Variants in CC2D1B observed in about 807,000 individuals in gnomAD.
CC2D1B encodes the protein coiled-coil and C2 domain containing 1B, also known as coiled-coil and C2 domain-containing protein 1B.
In CC2D1B, 92 loss-of-function variants were observed where a neutral mutation model predicts 110.8. The observed-to-expected ratio is 0.83, with a 90% CI of 0.70 to 0.99. The LOEUF (loss-of-function observed/expected upper bound fraction) is 0.99. CC2D1B is among the 50% of genes least tolerant of loss of function. CC2D1B has a pLI of 0.00. For missense variants in CC2D1B, 1,136 were observed against 1,089.0 expected (o/e 1.04, Z -0.61); for synonymous variants, 406 against 429.2 (o/e 0.95, Z 0.67).
intron 18 of CC2D1B, 42 bp from the exon 19 acceptor site, chr1:52,355,886 A>G (rs772970705): frequency 2.5e-6 from 4 of 1,599,160 alleles, no homozygotes; most frequent in African/African-American, 2.7e-5. Flanking sequence ...AAAGTGAAGG[A>G]CAGTAGTGGA....
intron 23 of CC2D1B, among the ~76,000 whole-genome samples, chr1:52,354,165 G>A (rs1370685899): frequency 6.6e-6 from 1 of 152,194 alleles, no homozygotes; most frequent in Non-Finnish European, 1.5e-5. Flanking sequence ...ATAGAGACCA[G>A]GGCCCGCATA....
chr1:52,363,143 C>T (rs1426814209), intron 2 of CC2D1B, among the ~76,000 whole-genome samples: 4 of 152,004 alleles, frequency 2.6e-5, no homozygotes, highest in Non-Finnish European at 5.9e-5. Flanking sequence ...GCCTGTAATC[C>T]CAGCACTTTG....
In CC2D1B at chr1:52,355,774, G is replaced by A. The variant is rs745548813; in HGVS notation, c.2125C>T (p.Pro709Ser). 6.2e-6 allele frequency: 10 copies of A among 1,614,010 alleles called. No individual in the cohort carries two copies. Among genetic ancestry groups the A allele is most frequent in the South Asian group, 1.1e-5 (1 of 91,084 alleles). ...GTAGGGGCGGCCCTAGGGTTACCTG[G>A]AGGGGCTGGGAGGTTCATTCCCCGG... is the stretch of plus-strand genomic sequence containing the variant. ...IVRGMNLPAP[P>S]GVTPDDLDAF... Residue 709 changes from proline to serine, a missense_variant, in exon 19 of 25, where the codon CCA (proline) becomes TCA (serine). Coordinates refer to ENST00000284376, the MANE Select transcript of CC2D1B (RefSeq NM_001330585.2).
At chr1:52,362,809 C>G in intron 2 of CC2D1B, 63 bp from the exon 3 acceptor site, 1 of 1,570,160 alleles carries the variant, frequency 6.4e-7, no homozygotes, top group Non-Finnish European at 8.7e-7. Context: ...AGCTCCAGAG[C>G]CAGACTTGGG....
At chr1:52,353,850 TAATA>T (rs1179401280) in intron 23 of CC2D1B, 10 of 512,222 alleles carry the variant, frequency 2.0e-5, no homozygotes, top group South Asian at 1.1e-4. Context: ...ATTAAAAAAG[TAATA>T]AATAAATCCA....
At position 52,354,942 on chromosome 1, in the gene CC2D1B, G is replaced by C; in HGVS notation, c.2240-3C>G. 1 of 1,612,458 alleles carries C rather than the reference G, an allele frequency of 6.2e-7. No homozygotes were observed. Among genetic ancestry groups the C allele is most frequent in the East Asian group, 2.2e-5 (1 of 44,856 alleles). On this transcript the variant is annotated splice_region_variant and splice_polypyrimidine_tract_variant and intron_variant, in intron 21 of 24. Transcript: ENST00000284376. The stretch of plus-strand genomic sequence containing the variant: ...TAGTTTGAAGAGTTGATCAAATTCT[G>C]GCAAAGGGGGAGAAAGCAAGGAGGG...
chr1:52,362,146 G>A (rs996833373), intron 3 of CC2D1B, among the ~76,000 whole-genome samples: 1 of 152,222 alleles, frequency 6.6e-6, no homozygotes, highest in African/African-American at 2.4e-5. Context: ...AGGATGGTGG[G>A]GGATGAGTGG....
rs756485707 is a variant in CC2D1B at position 52,359,043 on chromosome 1, T to G, written c.1241A>C (p.His414Pro). 6.2e-7 allele frequency: 1 copy of G among 1,607,078 alleles called. No homozygotes were observed. Among genetic ancestry groups the G allele is most frequent in the Non-Finnish European group, 8.5e-7 (1 of 1,179,938 alleles). ...CGGGCCCACCTTGGCAATGCGCTCA[T>G]GCATCCGAGCCTTGCGCTCGTCCCC... Reference protein sequence around the residue: ...SGGDERKARMHERIAKQYQDA... With the variant: ...SGGDERKARMPERIAKQYQDA... The change falls in exon 11 of 25, where the codon CAT becomes CCT. Residue 414 changes from histidine to proline, a missense_variant. Transcript: ENST00000284376.
At chr1:52,360,262 A>G (rs1478505721) in intron 6 of CC2D1B, 29 bp from the exon 7 acceptor site, 2 of 1,612,704 alleles carry the variant, frequency 1.2e-6, no homozygotes, top group Non-Finnish European at 1.7e-6. Flanking sequence ...CCAGAAACCC[A>G]GCCAGCCATC....
At position 52,353,562 on chromosome 1, in the gene CC2D1B, A is replaced by G; in HGVS notation, c.2516T>C (p.Met839Thr). The part of the protein sequence containing the change: ...REPLSGQDVQ[M>T]VTENWLVLEP... ...CAGAACCAGCCAGTTCTCAGTGACC[A>G]TCTGCACATCCTGGCCACTCAGAGG... is the stretch of plus-strand genomic sequence containing the variant. Residue 839 changes from methionine to threonine, a missense_variant, in exon 24 of 25, where the codon ATG becomes ACG. Transcript: ENST00000284376. 2 of 1,614,084 alleles carry G rather than the reference A, an allele frequency of 1.2e-6. No homozygotes were observed. Among genetic ancestry groups the G allele is most frequent in the South Asian group, 2.2e-5 (2 of 91,074 alleles).
intron 3 of CC2D1B, 35 bp downstream of exon 3, chr1:52,362,567 C>T: frequency 6.2e-7 from 1 of 1,613,364 alleles, no homozygotes; most frequent in South Asian, 1.1e-5. Context: ...CCCATCTTGT[C>T]CCAGCACCAA....
At chr1:52,361,281 C>T in intron 4 of CC2D1B, 149 bp from the exon 5 acceptor site, 1 of 1,229,770 alleles carries the variant, frequency 8.1e-7, no homozygotes, top group Non-Finnish European at 1.1e-6. Context: ...TTTCTTTAAT[C>T]TGACCGAGGA....
chr1:52,354,269 C>G (rs543840174), intron 23 of CC2D1B: 1 of 477,018 alleles, frequency 2.1e-6, no homozygotes, highest in Non-Finnish European at 4.0e-6. Context: ...CTGGTCGTAG[C>G]TCTGCCAAGG....
Position 52,356,312 on chromosome 1 carries a change from A to G in CC2D1B, c.1938-10T>C. On this transcript the variant is annotated splice_polypyrimidine_tract_variant and intron_variant, in intron 17 of 24. Transcript: ENST00000284376. ...AGCAAGCTTCTCAAATCTGACAGGG[A>G]TGGGTATGTCAGCATGATGGTGGAT... 6.2e-7 allele frequency: 1 copy of G among 1,613,828 alleles called. No individual in the cohort carries two copies. The highest frequency in any genetic ancestry group is 1.1e-5 in the South Asian group (1 of 91,070).
At chr1:52,364,728 A>G (rs1313437225) in intron 1 of CC2D1B, 94 bp from the exon 2 acceptor site, 6 of 704,466 alleles carry the variant, frequency 8.5e-6, no homozygotes, top group Non-Finnish European at 1.4e-5. Flanking sequence ...GTAAACTCCC[A>G]AAGAAGGCAA....
chr1:52,358,453 G>A lies in CC2D1B; in HGVS notation c.1339C>T (p.Pro447Ser). Residue 447 changes from proline (P) to serine (S), a missense_variant, in exon 13 of 25, where the codon CCC becomes TCC. Transcript: ENST00000284376. Reference sequence around the variant, plus strand: ...ATAGTGGACTCCAGGCCAGGGATGGGGGGAAATCCTGTGGGAGAGAGACAG... The same window carrying A: ...ATAGTGGACTCCAGGCCAGGGATGGAGGGAAATCCTGTGGGAGAGAGACAG... ...AELPVPPGFP[P>S]IPGLESTMGV... is the part of the protein sequence containing the mutation. 6.2e-7 allele frequency: 1 copy of A among 1,613,804 alleles called. No individual in the cohort carries two copies. Among genetic ancestry groups the A allele is most frequent in the Non-Finnish European group, 8.5e-7 (1 of 1,180,000 alleles).
intron 13 of CC2D1B, 96 bp from the exon 14 acceptor site, chr1:52,357,994 A>G (rs766933176): frequency 6.6e-5 from 98 of 1,487,134 alleles, no homozygotes; most frequent in Non-Finnish European, 8.6e-5. Flanking sequence ...ACTGTACTAC[A>G]TCGCTGTGTG....
At position 52,352,243 on chromosome 1, in the gene CC2D1B, C is replaced by A. The variant is rs1420111780; in HGVS notation, c.*982G>T. 1 of 152,208 alleles carries A rather than the reference C, an allele frequency of 6.6e-6. No homozygotes were observed. Among genetic ancestry groups the A allele is most frequent in the African/African-American group, 2.4e-5 (1 of 41,436 alleles). 9.4% of individuals were successfully genotyped at this position (152,208 alleles called of 1,614,324 possible). ...TTGAATATTAAATCTCTTACAACTA[C>A]AAACCCCTTCATAGTCTCCATCCAT... On this transcript the variant is annotated 3_prime_UTR_variant, in exon 25 of 25. Coordinates refer to ENST00000284376, the MANE Select transcript of CC2D1B (RefSeq NM_001330585.2).
chr1:52,353,069 A>T lies in CC2D1B; in HGVS notation c.*156T>A. On this transcript the variant is annotated 3_prime_UTR_variant, in exon 25 of 25. Coordinates refer to ENST00000284376, the MANE Select transcript of CC2D1B (RefSeq NM_001330585.2). ...CCCAGAGGGGCCAACAACAGGAAAG[A>T]CCAGAGTCGTGGTCAGTAGTGCACA... The T allele has an allele frequency of 1.4e-6, 1 of 714,546 alleles. No individual in the cohort carries two copies. The highest frequency in any genetic ancestry group is 1.5e-5 in the South Asian group (1 of 65,872). The allele number at this position is 714,546 out of a possible 1,614,324, so 44.3% of individuals were successfully genotyped here.
Sources: gnomAD v4.1 joint callset for allele counts (sites outside exome capture counted in the v4.1 genomes callset) on GRCh38, gnomAD v4.1.1 for gene constraint, MANE v1.5 for transcripts, NCBI Gene and HGNC (gene_info 2026-07-23, HGNC 2026-07-21) for gene names.